Variants in DNAH6 observed in about 807,000 individuals in gnomAD.
DNAH6 encodes axonemal beta dynein heavy chain 6.
DNAH6 carries 340 observed loss-of-function variants against 491.4 expected under a neutral mutation model. The observed-to-expected ratio is 0.69, with a 90% CI of 0.63 to 0.76. The LOEUF is 0.76. Ranked by LOEUF, DNAH6 falls within the 30% of genes least tolerant of loss-of-function variation. DNAH6 has a pLI of 0.00. For missense variants in DNAH6, 4,443 were observed against 4,972.2 expected (o/e 0.89, Z 3.20); for synonymous variants, 1,603 against 1,686.1 (o/e 0.95, Z 1.21).
chr2:84,547,726 C>A lies in DNAH6; in HGVS notation c.1186+114C>A, dbSNP rs1678915717. ...TAATGATTCTATGTTTGAATTGTTC[C>A]AAACATTTGATGGATATTATAAATT... On this transcript the variant is annotated intron_variant, in intron 7 of 76. Coordinates refer to ENST00000389394, the MANE Select transcript of DNAH6 (RefSeq NM_001370.2). The A allele has an allele frequency of 5.3e-6, 6 of 1,123,930 alleles. No individual in the cohort carries two copies. In the South Asian group the frequency reaches 8.3e-5, roughly 16 times the overall value. 69.6% of individuals were successfully genotyped at this position (1,123,930 alleles called of 1,614,324 possible).
At position 84,819,451 on chromosome 2, in the gene DNAH6, C is replaced by A. The variant is rs1294327745; in HGVS notation, c.*43C>A. 1 of 1,320,410 alleles carries A rather than the reference C, an allele frequency of 7.6e-7. No homozygotes were observed. Among genetic ancestry groups the A allele is most frequent in the Non-Finnish European group, 1.1e-6 (1 of 947,462 alleles). The allele number at this position is 1,320,410 out of a possible 1,614,324, so 81.8% of individuals were successfully genotyped here. ...CCTGAAAAAGAACCAGGCCAGAGAT[C>A]TTTCCTAATGGGAGCAAAAGGTTTG... On this transcript the variant is annotated 3_prime_UTR_variant, in exon 77 of 77. Coordinates refer to ENST00000389394, the MANE Select transcript of DNAH6 (RefSeq NM_001370.2).
chr2:84,755,646 A>G (rs1673936273), intron 63 of DNAH6, among the ~76,000 whole-genome samples: 1 of 152,136 alleles, frequency 6.6e-6, no homozygotes, highest in South Asian at 2.1e-4. Context: ...TATTTTTCTT[A>G]CTTAATTGCC....
At chr2:84,640,698 G>A (rs1473469061) in intron 32 of DNAH6, 120 bp downstream of exon 32, 7 of 969,164 alleles carry the variant, frequency 7.2e-6, no homozygotes, top group Non-Finnish European at 1.1e-5. Flanking sequence ...TGCTGCTGTT[G>A]TCATCATTCT....
chr2:84,510,189 C>T, the DNAH6 span, among the ~76,000 whole-genome samples: 1 of 152,236 alleles, frequency 6.6e-6, no homozygotes, highest in African/African-American at 2.4e-5. Flanking sequence ...TGGTTCCATT[C>T]TCCCTGTCAC....
At position 84,529,195 on chromosome 2, in the gene DNAH6, C is replaced by CATAAAATTTAATTATGTAAAATT. The variant is rs1314982380; in HGVS notation, c.662+35_662+36insTTTAATTATGTAAAATTATAAAA. On this transcript the variant is annotated intron_variant, in intron 4 of 76. Coordinates refer to ENST00000389394, the MANE Select transcript of DNAH6 (RefSeq NM_001370.2). ...AGTTATTTTTTATGATGCAATTTAA[C>CATAAAATTTAATTATGTAAAATT]ATAAAAATTACAAATAAGATTTCAC... 3.4e-6 allele frequency: 5 copies of CATAAAATTTAATTATGTAAAATT among 1,452,436 alleles called. No individual in the cohort carries two copies. The South Asian group carries it at 6.6e-5, about 19-fold the overall frequency. The allele number at this position is 1,452,436 out of a possible 1,614,324, so 90.0% of individuals were successfully genotyped here.
chr2:84,550,583 G>C (rs1249659799), intron 9 of DNAH6, among the ~76,000 whole-genome samples: 1 of 152,122 alleles, frequency 6.6e-6, no homozygotes, highest in African/African-American at 2.4e-5. Flanking sequence ...TCTAATAATA[G>C]AGTAAAAATC....
At chr2:84,624,860 G>A (rs1382753853) in intron 28 of DNAH6, 42 bp from the exon 29 acceptor site, 1 of 1,498,274 alleles carries the variant, frequency 6.7e-7, no homozygotes, top group African/African-American at 1.4e-5. Context: ...TTTGTGGCCA[G>A]AGTTGGTTCC....
chr2:84,784,807 C>T lies in DNAH6; in HGVS notation c.10950C>T (p.Val3650=), dbSNP rs774879825. 1.9e-6 allele frequency: 3 copies of T among 1,542,086 alleles called. No individual in the cohort carries two copies. The highest frequency in any genetic ancestry group is 2.4e-5 in the East Asian group (1 of 40,866). Residue 3650 remains valine (V), a synonymous_variant, in exon 66 of 77, where the codon GTC becomes GTT. Transcript: ENST00000389394. ...TFPVTVLQNS[V]KVTNEPPKGL... The stretch of plus-strand genomic sequence containing the variant: ...CTGTTACAGTTCTTCAAAATTCTGT[C>T]AAGGTAATGTATGCATATGGTTGGA...
At position 84,624,878 on chromosome 2, in the gene DNAH6, T is replaced by C. The variant is rs972733818; in HGVS notation, c.4354-24T>C. 1.3e-5 allele frequency: 20 copies of C among 1,525,160 alleles called. No individual in the cohort carries two copies. In the Middle Eastern group the frequency reaches 5.2e-4, roughly 39 times the overall value. 94.5% of individuals were successfully genotyped at this position (1,525,160 alleles called of 1,614,324 possible). ...GTGGCCAGAGTTGGTTCCCTTCATA[T>C]TGATAATGCATTGCTTTCTTCAGGA... is the stretch of plus-strand genomic sequence containing the variant. On this transcript the variant is annotated intron_variant, in intron 28 of 76. Transcript: ENST00000389394.
At chr2:84,613,563 G>A (rs912263990) in intron 22 of DNAH6, among the ~76,000 whole-genome samples, 3 of 152,100 alleles carry the variant, frequency 2.0e-5, no homozygotes, top group Non-Finnish European at 2.9e-5. Context: ...ATCCCTTAAG[G>A]AGCTGTAGTT....
chr2:84,680,877 A>G (rs1032042490), intron 41 of DNAH6, among the ~76,000 whole-genome samples: 1 of 152,134 alleles, frequency 6.6e-6, no homozygotes, highest in Non-Finnish European at 1.5e-5. Context: ...CTCCTGATCT[A>G]AGCTTAGGAG....
intron 61 of DNAH6, among the ~76,000 whole-genome samples, chr2:84,730,481 G>A (rs1699032788): frequency 1.3e-5 from 2 of 151,866 alleles, no homozygotes; most frequent in African/African-American, 4.8e-5. Flanking sequence ...GGCTTCCCTG[G>A]GCCACATTGG....
chr2:84,560,223 G>A (rs866565844), intron 11 of DNAH6, among the ~76,000 whole-genome samples: 91 of 152,106 alleles, frequency 6.0e-4, no homozygotes, highest in African/African-American at 2.1e-3. Context: ...CTAAGATATA[G>A]CCTTTTAAAA....
chr2:84,535,843 GTC>G (rs1677641048), intron 4 of DNAH6, among the ~76,000 whole-genome samples: 2 of 151,894 alleles, frequency 1.3e-5, no homozygotes, highest in Admixed American at 1.3e-4. Flanking sequence ...ACTATTTAGA[GTC>G]TCTGAGGTGA....
At chr2:84,732,558 T>C (rs1232473688) in intron 61 of DNAH6, among the ~76,000 whole-genome samples, 3 of 152,218 alleles carry the variant, frequency 2.0e-5, no homozygotes, top group Non-Finnish European at 4.4e-5. Context: ...TTGATTTCCA[T>C]GAAGTGTCCA....
chr2:84,492,642 A>G, the DNAH6 span, among the ~76,000 whole-genome samples: 1 of 152,184 alleles, frequency 6.6e-6, no homozygotes, highest in Non-Finnish European at 1.5e-5. Context: ...AAGAAATAAA[A>G]TTAGTTTGGT....
At chr2:84,649,808 A>C (rs1472538251) in intron 33 of DNAH6, among the ~76,000 whole-genome samples, 1 of 152,114 alleles carries the variant, frequency 6.6e-6, no homozygotes, top group Non-Finnish European at 1.5e-5. Flanking sequence ...CAAACACCAC[A>C]TGTTCCCACT....
At chr2:84,613,041 C>G (rs532577928) in intron 22 of DNAH6, among the ~76,000 whole-genome samples, 6 of 151,934 alleles carry the variant, frequency 3.9e-5, no homozygotes, top group Admixed American at 2.0e-4. Flanking sequence ...TACATCTGCT[C>G]CTAAGGATGT....
Position 84,669,216 on chromosome 2 carries a change from G to T in DNAH6, c.6085-73G>T, listed in dbSNP as rs540637817. The T allele has an allele frequency of 3.0e-4, 356 of 1,171,814 alleles. 2 individuals carry two copies. In the African/African-American group the frequency reaches 5.1e-3, roughly 17 times the overall value. 72.6% of individuals were successfully genotyped at this position (1,171,814 alleles called of 1,614,324 possible). ...GTTTTTTGACTGCCTTTTTTTCTATGTGAGTGTATCTACTACTGTGTGTCA... is the reference window on the plus strand; with the variant it reads ...GTTTTTTGACTGCCTTTTTTTCTATTTGAGTGTATCTACTACTGTGTGTCA... On this transcript the variant is annotated intron_variant, in intron 37 of 76. Transcript: ENST00000389394.
Sources: allele counts gnomAD v4.1 joint callset (sites outside exome capture counted in the v4.1 genomes callset), GRCh38; gene constraint gnomAD v4.1.1; transcripts MANE v1.5; gene names NCBI Gene and HGNC (gene_info 2026-07-23, HGNC 2026-07-21).